The following MMP26 variants were observed in gnomAD, a reference collection of about 807,000 sequenced individuals.
The protein encoded by MMP26 is matrix metalloproteinase-26.
MMP26 carries 33 observed loss-of-function variants against 31.0 expected under a neutral mutation model. The observed-to-expected ratio is 1.06, with a 90% CI of 0.81 to 1.42. The LOEUF is 1.42. Among genes scored for constraint, MMP26 ranks in the 40% most tolerant of loss-of-function variants. The pLI, the probability that MMP26 is intolerant of heterozygous loss-of-function variation, is 0.00. For synonymous variants in MMP26, 122 were observed against 114.9 expected, an observed-to-expected ratio of 1.06 and a Z score of -0.40; for missense variants, 347 against 316.1, an observed-to-expected ratio of 1.10 and a Z score of -0.74.
At chr11:4,942,820 T>C (rs1316204938) in intron 2 of MMP26, 1 of 152,224 alleles carries the variant, frequency 6.6e-6, no homozygotes, top group Non-Finnish European at 1.5e-5. Context: ...ACCTTTTTAA[T>C]GTGACATGTA....
At chr11:4,749,126 A>G (rs1432441928) in intron 1 of MMP26, among the ~76,000 whole-genome samples, 2 of 152,152 alleles carry the variant, frequency 1.3e-5, no homozygotes, top group Non-Finnish European at 2.9e-5. Flanking sequence ...TACAAAAATC[A>G]GTAGCATTTC....
chr11:4,907,094 C>T (rs2053115), intron 2 of MMP26, among the ~76,000 whole-genome samples: 1 of 1,396 alleles, frequency 7.2e-4, no homozygotes, highest in Non-Finnish European at 2.3e-3. Flanking sequence ...AAAACTCCCT[C>T]TAAAAAAAAA....
At chr11:4,796,639 G>C (rs1380750201) in intron 2 of MMP26, among the ~76,000 whole-genome samples, 1 of 152,148 alleles carries the variant, frequency 6.6e-6, no homozygotes, top group Non-Finnish European at 1.5e-5. Flanking sequence ...AGGTCTGATA[G>C]GTGATTACTG....
intron 2 of MMP26, among the ~76,000 whole-genome samples, chr11:4,866,402 C>T (rs1387927595): frequency 6.6e-6 from 1 of 151,936 alleles, no homozygotes; most frequent in Non-Finnish European, 1.5e-5. Context: ...TTGTTTATAA[C>T]AAAAACCTAT....
Position 4,848,912 on chromosome 11 carries a change from AG to A in MMP26, c.-145+81572del, listed in dbSNP as rs760310390. 1.9e-6 allele frequency: 3 copies of A among 1,614,016 alleles called. No homozygotes were observed. The African/African-American group carries it at 4.0e-5, about 22-fold the overall frequency. ...GTAGAAGGCAGGCTGAGGCAGGGACAGTGTGAGCACCAGCAAGGGCGATGCC... is the reference window on the plus strand; with the variant it reads ...GTAGAAGGCAGGCTGAGGCAGGGACATGTGAGCACCAGCAAGGGCGATGCC... On this transcript the variant is annotated intron_variant, in intron 2 of 7. Transcript: ENST00000380390.
chr11:4,833,590 G>T (rs747083414), intron 2 of MMP26, among the ~76,000 whole-genome samples: 2 of 152,196 alleles, frequency 1.3e-5, no homozygotes, highest in Non-Finnish European at 2.9e-5. Context: ...TACCTAGAAA[G>T]TTGTTAAAAT....
chr11:4,748,474 G>T (rs1212332462), intron 1 of MMP26, among the ~76,000 whole-genome samples: 2 of 151,296 alleles, frequency 1.3e-5, no homozygotes, highest in Admixed American at 1.3e-4. Flanking sequence ...CCAAAGCCAG[G>T]CATGTACACA....
chr11:4,935,552 A>C (rs1458224852), intron 2 of MMP26, among the ~76,000 whole-genome samples: 3 of 150,792 alleles, frequency 2.0e-5, no homozygotes, highest in Non-Finnish European at 3.0e-5. Context: ...TCTTTTCCTA[A>C]TTGAATACCC....
chr11:4,919,402 C>A (rs181324877), intron 2 of MMP26: 1 of 152,360 alleles, frequency 6.6e-6, no homozygotes. Flanking sequence ...TTTTATGCAA[C>A]TGCCCAAGGT....
intron 2 of MMP26, among the ~76,000 whole-genome samples, chr11:4,933,834 T>C (rs1851390251): frequency 6.7e-6 from 1 of 150,330 alleles, no homozygotes; most frequent in Non-Finnish European, 1.5e-5. Context: ...TTTGGTTTTT[T>C]ATTCTTGCGA....
chr11:4,841,681 C>T (rs761710489), intron 2 of MMP26, among the ~76,000 whole-genome samples: 41 of 152,158 alleles, frequency 2.7e-4, no homozygotes, highest in Non-Finnish European at 4.1e-4. Context: ...ATCTGTAATC[C>T]CAGCACTTTG....
At chr11:4,711,701 A>C (rs1183262967) in intron 1 of MMP26, 7 of 152,172 alleles carry the variant, frequency 4.6e-5, no homozygotes, top group Non-Finnish European at 1.0e-4. Context: ...TTCCGTTTAA[A>C]GTGCAGATTC....
At chr11:4,876,833 T>G (rs979956226) in intron 2 of MMP26, 1 of 153,044 alleles carries the variant, frequency 6.5e-6, no homozygotes. Context: ...TCAACTGGCG[T>G]TCAATAACTT....
chr11:4,937,873 G>A (rs1052936974), intron 2 of MMP26: 1 of 152,272 alleles, frequency 6.6e-6, no homozygotes, highest in African/African-American at 2.4e-5. Context: ...GATGGCTCTG[G>A]GACTAGTTAA....
Position 4,979,259 on chromosome 11 carries a change from C to T in MMP26, c.-144-8809C>T, listed in dbSNP as rs117494375. Among the ~76,000 whole-genome samples the T allele has an allele frequency of 1.2e-3, 181 of 152,198 alleles. 4 individuals carry two copies. The East Asian group carries it at 0.028, about 23-fold the overall frequency. On this transcript the variant is annotated intron_variant, in intron 2 of 7. Coordinates refer to ENST00000380390, the MANE Select transcript of MMP26 (RefSeq NM_021801.5). The stretch of plus-strand genomic sequence containing the variant: ...TCACAGAGAATTTGCGAGCCCTTGC[C>T]AAGATTCCAGATCTGAATTCGTTCA...
chr11:4,788,831 T>C (rs1433349250), intron 2 of MMP26, among the ~76,000 whole-genome samples: 1 of 152,116 alleles, frequency 6.6e-6, no homozygotes, highest in Non-Finnish European at 1.5e-5. Flanking sequence ...TCACCTCAAG[T>C]AGACAATATA....
chr11:4,812,705 AG>A (rs2133463100), intron 2 of MMP26, among the ~76,000 whole-genome samples: 1 of 152,300 alleles, frequency 6.6e-6, no homozygotes, highest in Non-Finnish European at 1.5e-5. Context: ...CAGTCAAATA[AG>A]TATTTGTTTC....
intron 1 of MMP26, among the ~76,000 whole-genome samples, chr11:4,738,206 C>T (rs1848267120): frequency 6.6e-6 from 1 of 152,166 alleles, no homozygotes; most frequent in Non-Finnish European, 1.5e-5. Flanking sequence ...TCTTACCTCT[C>T]TTGCTGCCTC....
At position 4,988,319 on chromosome 11, in the gene MMP26, A is replaced by C. The variant is rs72860827; in HGVS notation, c.99+9A>C. On this transcript the variant is annotated intron_variant, in intron 3 of 7. Transcript: ENST00000380390. The stretch of plus-strand genomic sequence containing the variant: ...GATGGGACTTTGTTGAGGTAGGTGA[A>C]CGACTCAGGACCACATTATTACATG... 40,167 of 1,607,186 alleles carry C rather than the reference A, an allele frequency of 0.025. 596 individuals carry two copies. The highest frequency in any genetic ancestry group is 0.028 in the Non-Finnish European group (33,192 of 1,173,728).
Sources: allele counts gnomAD v4.1 joint callset (sites outside exome capture counted in the v4.1 genomes callset), GRCh38; gene constraint gnomAD v4.1.1; transcripts MANE v1.5; gene names NCBI Gene and HGNC (gene_info 2026-07-23, HGNC 2026-07-21).